The following NPAS3 variants were observed in gnomAD, a reference collection of about 807,000 sequenced individuals.
The protein encoded by NPAS3 is neuronal PAS domain protein 3, also known as neuronal PAS domain-containing protein 3.
A neutral mutation model predicts 73.1 loss-of-function variants in NPAS3; 14 were observed. That is an observed-to-expected ratio of 0.19 (90% CI 0.13 to 0.30). The LOEUF is 0.30. NPAS3 is among the 10% of genes least tolerant of loss of function. NPAS3 has a pLI of 1.00. For synonymous variants in NPAS3, 620 were observed against 541.5 expected (o/e 1.14, Z -2.01); for missense variants, 1,096 against 1,250.0 (o/e 0.88, Z 1.86).
chr14:33,597,514 C>T (rs2057279179), intron 5 of NPAS3, among the ~76,000 whole-genome samples: 3 of 152,194 alleles, frequency 2.0e-5, no homozygotes, highest in Admixed American at 1.3e-4. Flanking sequence ...CATGGCATCT[C>T]AATTTGAAGA....
chr14:33,736,589 A>C (rs1454944182), intron 7 of NPAS3, among the ~76,000 whole-genome samples: 1 of 151,934 alleles, frequency 6.6e-6, no homozygotes, highest in Non-Finnish European at 1.5e-5. Flanking sequence ...TCATTAGCTA[A>C]CTATGTAGCC....
intron 2 of NPAS3, among the ~76,000 whole-genome samples, chr14:33,193,898 T>C (rs780488760): frequency 2.5e-4 from 38 of 152,310 alleles, no homozygotes; most frequent in Non-Finnish European, 4.4e-4. Flanking sequence ...CTATTTCTTA[T>C]CTCTTCATTT....
chr14:33,713,877 TC>T (rs1182299656), intron 6 of NPAS3, among the ~76,000 whole-genome samples: 1 of 152,158 alleles, frequency 6.6e-6, no homozygotes, highest in Non-Finnish European at 1.5e-5. Flanking sequence ...TCACTTTTCC[TC>T]CCAAACTCTG....
At chr14:33,172,565 A>G (rs2045431673) in intron 2 of NPAS3, among the ~76,000 whole-genome samples, 1 of 152,040 alleles carries the variant, frequency 6.6e-6, no homozygotes, top group Non-Finnish European at 1.5e-5. Context: ...GTGAAAACCC[A>G]TCTCTACAAA....
At chr14:33,439,664 T>C (rs1330603598) in intron 4 of NPAS3, among the ~76,000 whole-genome samples, 1 of 152,204 alleles carries the variant, frequency 6.6e-6, no homozygotes, top group East Asian at 1.9e-4. Context: ...TTTCAAAAAA[T>C]GTAAAACCTG....
At chr14:33,456,596 A>AGT (rs1220229808) in intron 4 of NPAS3, among the ~76,000 whole-genome samples, 1 of 152,198 alleles carries the variant, frequency 6.6e-6, no homozygotes, top group Non-Finnish European at 1.5e-5. Flanking sequence ...TTTAAGAGCT[A>AGT]GTGTTGTTGA....
chr14:33,283,373 G>C (rs2041708487), intron 3 of NPAS3, among the ~76,000 whole-genome samples: 1 of 152,148 alleles, frequency 6.6e-6, no homozygotes, highest in Non-Finnish European at 1.5e-5. Flanking sequence ...CTATGATATA[G>C]GCGTTATTAA....
At chr14:32,994,636 GT>G (rs35991922) in intron 1 of NPAS3, among the ~76,000 whole-genome samples, 22 of 135,284 alleles carry the variant, frequency 1.6e-4, no homozygotes, top group Middle Eastern at 3.8e-3. Context: ...GTTTGTTTTT[GT>G]TTTTTTTTTT....
At chr14:33,732,243 A>ACACACTT (rs2061419599) in intron 6 of NPAS3, among the ~76,000 whole-genome samples, 2 of 152,010 alleles carry the variant, frequency 1.3e-5, no homozygotes, top group Non-Finnish European at 2.9e-5. Context: ...GCACACACAC[A>ACACACTT]CACACTTTCT....
chr14:33,625,213 T>C (rs2058186920), intron 5 of NPAS3, among the ~76,000 whole-genome samples: 1 of 152,264 alleles, frequency 6.6e-6, no homozygotes, highest in East Asian at 1.9e-4. Flanking sequence ...CCTTGTTGTC[T>C]TGACTAATTA....
At chr14:33,636,853 A>T (rs1206193501) in intron 5 of NPAS3, among the ~76,000 whole-genome samples, 1 of 151,782 alleles carries the variant, frequency 6.6e-6, no homozygotes, top group Non-Finnish European at 1.5e-5. Flanking sequence ...TGGCATCTTC[A>T]TTTCCCTCCT....
chr14:32,935,102 C>G (rs1595035270), upstream of NPAS3: 1 of 572,742 alleles, frequency 1.7e-6, no homozygotes, highest in Non-Finnish European at 2.4e-6. Context: ...CACACATGCA[C>G]ATTGCCAGGG....
At chr14:33,504,146 T>C (rs2052650222) in intron 4 of NPAS3, among the ~76,000 whole-genome samples, 1 of 152,016 alleles carries the variant, frequency 6.6e-6, no homozygotes, top group African/African-American at 2.4e-5. Flanking sequence ...TCTAATCTTT[T>C]TAGCAGAGAG....
intron 5 of NPAS3, chr14:33,612,399 C>G (rs773877248): frequency 2.2e-6 from 1 of 456,004 alleles, no homozygotes; most frequent in South Asian, 1.5e-5. Flanking sequence ...TTTCTACCCT[C>G]CACAGGCACA....
At chr14:33,071,532 A>G (rs977864092) in intron 2 of NPAS3, among the ~76,000 whole-genome samples, 1 of 152,228 alleles carries the variant, frequency 6.6e-6, no homozygotes, top group African/African-American at 2.4e-5. Flanking sequence ...CTAATCATTA[A>G]GATTATTAAA....
chr14:33,784,101 A>G (rs1320885499), intron 9 of NPAS3, among the ~76,000 whole-genome samples: 1 of 152,230 alleles, frequency 6.6e-6, no homozygotes, highest in Non-Finnish European at 1.5e-5. Flanking sequence ...AACAGGAAAA[A>G]TTTAACAGAG....
intron 3 of NPAS3, among the ~76,000 whole-genome samples, chr14:33,219,529 C>A (rs1201088208): frequency 2.0e-5 from 3 of 152,134 alleles, no homozygotes; most frequent in Non-Finnish European, 4.4e-5. Flanking sequence ...TGCAAGATAT[C>A]TGGTGATTAA....
chr14:33,272,016 C>T (rs2041113780), intron 3 of NPAS3, among the ~76,000 whole-genome samples: 1 of 152,150 alleles, frequency 6.6e-6, no homozygotes, highest in Non-Finnish European at 1.5e-5. Context: ...TTTTCAACAA[C>T]AATGAATAAG....
intron 6 of NPAS3, among the ~76,000 whole-genome samples, chr14:33,720,743 G>T (rs1348057147): frequency 1.3e-5 from 2 of 152,098 alleles, no homozygotes; most frequent in African/African-American, 4.8e-5. Flanking sequence ...TGCTCCAAGG[G>T]CTCATTGGGG....
Sources: gnomAD v4.1 joint callset for allele counts (sites outside exome capture counted in the v4.1 genomes callset) on GRCh38, gnomAD v4.1.1 for gene constraint, MANE v1.5 for transcripts, NCBI Gene and HGNC (gene_info 2026-07-23, HGNC 2026-07-21) for gene names.